PDHX: variants seen among roughly 807,000 people sequenced by gnomAD.
The protein encoded by PDHX is pyruvate dehydrogenase protein X component, mitochondrial.
Under a neutral mutation model 55.3 loss-of-function variants are expected in PDHX, and 33 were observed. The observed-to-expected ratio is 0.60, with a 90% CI of 0.45 to 0.80. The LOEUF (loss-of-function observed/expected upper bound fraction) is 0.80. PDHX is among the 30% of genes least tolerant of loss of function. The pLI is 0.00. For missense variants in PDHX, 622 were observed against 619.9 expected (o/e 1.00, Z -0.04); for synonymous variants, 226 against 219.4 (o/e 1.03, Z -0.27).
chr11:34,990,171 A>G (rs1422178636), intron 9 of PDHX, among the ~76,000 whole-genome samples: 1 of 152,202 alleles, frequency 6.6e-6, no homozygotes, highest in African/African-American at 2.4e-5. Flanking sequence ...TTCATTACTT[A>G]TAACAGTATT....
intron 1 of PDHX, among the ~76,000 whole-genome samples, chr11:34,917,040 A>G (rs537747977): frequency 6.6e-6 from 1 of 152,042 alleles, no homozygotes; most frequent in East Asian, 1.9e-4. Context: ...CCTGGTTTGT[A>G]TGGCTTTGTG....
chr11:34,967,729 G>A (rs184783680), intron 6 of PDHX, among the ~76,000 whole-genome samples: 1 of 152,178 alleles, frequency 6.6e-6, no homozygotes, highest in East Asian at 1.9e-4. Flanking sequence ...AGATAAATGT[G>A]TACTCCTAGT....
chr11:34,976,509 T>C (rs970444248), intron 7 of PDHX, among the ~76,000 whole-genome samples: 1 of 152,292 alleles, frequency 6.6e-6, no homozygotes, highest in Middle Eastern at 3.4e-3. Context: ...GATATACAAG[T>C]CTGAAGCCTC....
chr11:34,981,280 C>T (rs1461671861), intron 8 of PDHX, among the ~76,000 whole-genome samples: 2 of 151,854 alleles, frequency 1.3e-5, no homozygotes, highest in East Asian at 3.9e-4. Flanking sequence ...GGTAGTTTGC[C>T]GAGAATGATG....
intron 9 of PDHX, among the ~76,000 whole-genome samples, chr11:34,989,630 C>T (rs555829337): frequency 6.6e-6 from 1 of 152,268 alleles, no homozygotes; most frequent in East Asian, 1.9e-4. Context: ...GTACACACTT[C>T]CCTCTGATCG....
rs1008729872 is a variant in PDHX at position 34,943,106 on chromosome 11, G to A, written c.242-4400G>A. ...AAAATTCATTGGGTATGGTGCATTG[G>A]CCATGAAACCTGAGGAATGGGGATG... is the stretch of plus-strand genomic sequence containing the variant. On this transcript the variant is annotated intron_variant, in intron 2 of 10. Coordinates refer to ENST00000227868, the MANE Select transcript of PDHX (RefSeq NM_003477.3). Among the ~76,000 whole-genome samples the A allele has an allele frequency of 1.2e-4, 19 of 152,222 alleles. No homozygotes were observed. The South Asian group carries it at 1.5e-3, about 12-fold the overall frequency.
intron 6 of PDHX, among the ~76,000 whole-genome samples, chr11:34,969,872 T>C (rs1402348246): frequency 2.0e-5 from 3 of 152,196 alleles, no homozygotes; most frequent in Admixed American, 2.0e-4. Context: ...ATCTTAAATA[T>C]AGTAACATAA....
At chr11:34,960,936 A>G (rs547565743) in intron 5 of PDHX, among the ~76,000 whole-genome samples, 1 of 152,338 alleles carries the variant, frequency 6.6e-6, no homozygotes, top group East Asian at 1.9e-4. Context: ...ATTTCCATAT[A>G]CAGTTTGGTC....
intron 1 of PDHX, among the ~76,000 whole-genome samples, chr11:34,926,093 T>C (rs1032300321): frequency 1.2e-4 from 19 of 152,210 alleles, no homozygotes; most frequent in Admixed American, 4.6e-4. Context: ...ACATTTTCAG[T>C]CTATTTTTAC....
intron 9 of PDHX, among the ~76,000 whole-genome samples, chr11:34,990,458 T>C (rs1055234606): frequency 7.2e-5 from 11 of 152,232 alleles, no homozygotes; most frequent in African/African-American, 2.4e-4. Context: ...ATTTAGGATC[T>C]ACAGAGTTTT....
rs1415146894 is a variant in PDHX, at chr11:34,916,754, T to G, written c.99T>G (p.Leu33=). The part of the protein sequence containing the change: ...RRSVGLVKGA[L]GWSVSRGANW... ...GCGTAGGGCTGGTGAAGGGGGCTCT[T>G]GGGTGGTCTGTAAGCCGCGGAGCTA... The change falls in exon 1 of 11, where the codon CTT becomes CTG. Residue 33 remains leucine (L), a synonymous_variant. Coordinates refer to ENST00000227868, the MANE Select transcript of PDHX (RefSeq NM_003477.3). 6.2e-7 allele frequency: 1 copy of G among 1,612,178 alleles called. No homozygotes were observed. Among genetic ancestry groups the G allele is most frequent in the Admixed American group, 1.7e-5 (1 of 59,768 alleles).
intron 9 of PDHX, among the ~76,000 whole-genome samples, chr11:34,991,770 C>T (rs1471331027): frequency 2.0e-5 from 3 of 151,574 alleles, no homozygotes; most frequent in Non-Finnish European, 2.9e-5. Context: ...ATTAGCTGGG[C>T]GTGGCGGTGG....
At chr11:34,931,336 A>G in intron 1 of PDHX, 68 bp from the exon 2 acceptor site, 1 of 842,086 alleles carries the variant, frequency 1.2e-6, no homozygotes, top group Non-Finnish European at 2.0e-6. Flanking sequence ...AATTTACTTG[A>G]ACTTATATTG....
chr11:34,967,754 C>T (rs961444466), intron 6 of PDHX, among the ~76,000 whole-genome samples: 3 of 151,952 alleles, frequency 2.0e-5, no homozygotes, highest in Admixed American at 2.0e-4. Context: ...AACTATATAC[C>T]ATATGATATT....
intron 6 of PDHX, among the ~76,000 whole-genome samples, chr11:34,969,335 TG>T (rs1855204126): frequency 6.6e-6 from 1 of 151,390 alleles, no homozygotes; most frequent in Non-Finnish European, 1.5e-5. Context: ...TTATTTCAGG[TG>T]GTTTTTTTTC....
chr11:34,943,860 A>G (rs12289996), intron 2 of PDHX, among the ~76,000 whole-genome samples: 12,716 of 151,986 alleles, frequency 0.084, 553 homozygotes, highest in African/African-American at 0.099. Flanking sequence ...TTCTCACCTT[A>G]CAAAAACTGA....
intron 3 of PDHX, among the ~76,000 whole-genome samples, chr11:34,952,525 G>A (rs1298361682): frequency 2.0e-5 from 3 of 150,746 alleles, no homozygotes; most frequent in African/African-American, 4.9e-5. Flanking sequence ...GGGATGCAAG[G>A]CTGGTTCAAG....
At chr11:34,971,002 A>T (rs1052235691) in intron 7 of PDHX, among the ~76,000 whole-genome samples, 1 of 152,176 alleles carries the variant, frequency 6.6e-6, no homozygotes, top group African/African-American at 2.4e-5. Flanking sequence ...TGTAGACCAA[A>T]TGGTTATTTT....
rs987300897 is a variant in PDHX at position 34,987,204 on chromosome 11, G to A, written c.1182+2476G>A. Among the ~76,000 whole-genome samples, 9 of 151,804 alleles carry A rather than the reference G, an allele frequency of 5.9e-5. 1 individual carries two copies. The East Asian group carries it at 1.3e-3, about 23-fold the overall frequency. ...TCATTCACTTCTTTACCTCCCCTTTGTCTTTTTCTCCCGCAAAGTTACCAG... is the reference window on the plus strand; with the variant it reads ...TCATTCACTTCTTTACCTCCCCTTTATCTTTTTCTCCCGCAAAGTTACCAG... On this transcript the variant is annotated intron_variant, in intron 9 of 10. Coordinates refer to ENST00000227868, the MANE Select transcript of PDHX (RefSeq NM_003477.3).
Sources: gnomAD v4.1 joint callset for allele counts (sites outside exome capture counted in the v4.1 genomes callset) on GRCh38, gnomAD v4.1.1 for gene constraint, MANE v1.5 for transcripts, NCBI Gene and HGNC (gene_info 2026-07-23, HGNC 2026-07-21) for gene names.